Variants in FAT3 observed in about 807,000 individuals in gnomAD.
FAT3 encodes protocadherin Fat 3.
FAT3 carries 95 observed loss-of-function variants against 310.2 expected under a neutral mutation model. The ratio of observed to expected loss-of-function variants is 0.31; its 90% CI spans 0.26 to 0.36. The LOEUF is 0.36. Among genes scored for constraint, FAT3 ranks in the 10% least tolerant of loss-of-function variants. FAT3 has a pLI of 1.00. For synonymous variants in FAT3, 2,314 were observed against 2,192.9 expected (o/e 1.06, Z -1.54); for missense variants, 5,408 against 5,715.6 (o/e 0.95, Z 1.74).
At chr11:92,581,594 C>T (rs1938803363) in intron 3 of FAT3, among the ~76,000 whole-genome samples, 1 of 151,976 alleles carries the variant, frequency 6.6e-6, no homozygotes. Flanking sequence ...TCATTGTTAT[C>T]CTCTGATTGT....
At chr11:92,775,080 G>T (rs1173602188) in intron 7 of FAT3, among the ~76,000 whole-genome samples, 2 of 152,010 alleles carry the variant, frequency 1.3e-5, no homozygotes, top group African/African-American at 2.4e-5. Flanking sequence ...TCCCTACTGC[G>T]CTCTGAGATT....
chr11:92,390,576 C>G (rs905744370), intron 2 of FAT3, among the ~76,000 whole-genome samples: 1 of 152,134 alleles, frequency 6.6e-6, no homozygotes, highest in Non-Finnish European at 1.5e-5. Context: ...CCCAGTGCCC[C>G]AAGATTGTGC....
Position 92,710,310 on chromosome 11 carries a change from A to G in FAT3, c.3669+12865A>G, listed in dbSNP as rs138346577. On this transcript the variant is annotated intron_variant, in intron 4 of 27. Transcript: ENST00000525166. ...TTGAAGGCTATGAAAGCAAATTTTGATCCCATAGGATACCAAATGACTGAG... is the reference window on the plus strand; with the variant it reads ...TTGAAGGCTATGAAAGCAAATTTTGGTCCCATAGGATACCAAATGACTGAG... Among the ~76,000 whole-genome samples the G allele has an allele frequency of 3.9e-5, 6 of 152,272 alleles. No homozygotes were observed. In the East Asian group the frequency reaches 1.2e-3, roughly 29 times the overall value.
intron 2 of FAT3, among the ~76,000 whole-genome samples, chr11:92,431,448 C>G (rs895477713): frequency 6.6e-5 from 10 of 152,150 alleles, no homozygotes; most frequent in Non-Finnish European, 1.3e-4. Flanking sequence ...AAATTTTCTC[C>G]TATTCTGTAG....
At position 92,316,908 on chromosome 11, in the gene FAT3, C is replaced by T. The variant is rs528394478; in HGVS notation, c.-17-35188C>T. On this transcript the variant is annotated intron_variant, in intron 1 of 27. Coordinates refer to ENST00000525166, the MANE Select transcript of FAT3 (RefSeq NM_001367949.2). ...GCCAGCCTTTTTGGGAAAACGGAGACCCATGGTTTCATTTCAACAAAGAAG... is the reference window on the plus strand; with the variant it reads ...GCCAGCCTTTTTGGGAAAACGGAGATCCATGGTTTCATTTCAACAAAGAAG... Among the ~76,000 whole-genome samples, 3 of 152,192 alleles carry T rather than the reference C, an allele frequency of 2.0e-5. No individual in the cohort carries two copies. The South Asian group carries it at 6.2e-4, about 32-fold the overall frequency.
intron 4 of FAT3, among the ~76,000 whole-genome samples, chr11:92,757,867 A>G (rs1203643819): frequency 6.6e-6 from 1 of 152,192 alleles, no homozygotes; most frequent in African/African-American, 2.4e-5. Context: ...GAATGTCCAC[A>G]AAAGTGAGCA....
At chr11:92,230,670 C>G (rs1590978527) in intron 1 of FAT3, among the ~76,000 whole-genome samples, 1 of 152,278 alleles carries the variant, frequency 6.6e-6, no homozygotes, top group Middle Eastern at 3.4e-3. Flanking sequence ...TTTCACAAGA[C>G]AGTGGGCAAG....
chr11:92,689,805 A>G (rs1400462852), intron 3 of FAT3, among the ~76,000 whole-genome samples: 2 of 152,194 alleles, frequency 1.3e-5, no homozygotes, highest in East Asian at 3.9e-4. Context: ...AGGATTATAC[A>G]GAGGAGGAGG....
intron 2 of FAT3, among the ~76,000 whole-genome samples, chr11:92,425,951 A>G (rs1026320853): frequency 6.6e-6 from 1 of 152,166 alleles, no homozygotes; most frequent in African/African-American, 2.4e-5. Flanking sequence ...TCCTTGAGGA[A>G]TCACCACACT....
rs1410018470 is a variant in FAT3 at position 92,834,602 on chromosome 11, T to C, written c.9872-268T>C. Among the ~76,000 whole-genome samples the C allele has an allele frequency of 2.3e-4, 35 of 152,224 alleles. 1 individual carries two copies. Among genetic ancestry groups the C allele is most frequent in the Admixed American group, 2.3e-3 (35 of 15,276 alleles). ...GTGAGAGTGAAGATGCCAGAGATTT[T>C]CAAGCTGCCTGAGAGATGTTCATAA... On this transcript the variant is annotated intron_variant, in intron 14 of 27. Coordinates refer to ENST00000525166, the MANE Select transcript of FAT3 (RefSeq NM_001367949.2).
intron 3 of FAT3, among the ~76,000 whole-genome samples, chr11:92,666,896 T>C (rs984041457): frequency 6.6e-6 from 1 of 152,126 alleles, no homozygotes; most frequent in African/African-American, 2.4e-5. Context: ...TCACACTCCA[T>C]TGGTTGGAGT....
At chr11:92,586,123 G>A (rs1034868400) in intron 3 of FAT3, among the ~76,000 whole-genome samples, 1 of 152,022 alleles carries the variant, frequency 6.6e-6, no homozygotes, top group African/African-American at 2.4e-5. Flanking sequence ...GTAAAGGCTT[G>A]ATTGACTCTT....
intron 5 of FAT3, among the ~76,000 whole-genome samples, chr11:92,762,773 G>T (rs897016931): frequency 6.6e-6 from 1 of 152,154 alleles, no homozygotes; most frequent in Non-Finnish European, 1.5e-5. Context: ...TGTATCTACA[G>T]TGCCAGTGTG....
At chr11:92,245,066 A>G (rs1209327624) in intron 1 of FAT3, among the ~76,000 whole-genome samples, 4 of 152,300 alleles carry the variant, frequency 2.6e-5, no homozygotes, top group South Asian at 4.1e-4. Flanking sequence ...CACTGTTCAC[A>G]ATAGCAAAGA....
At chr11:92,236,823 G>T (rs1565171133) in intron 1 of FAT3, among the ~76,000 whole-genome samples, 2 of 152,206 alleles carry the variant, frequency 1.3e-5, no homozygotes, top group Non-Finnish European at 1.5e-5. Context: ...GAAATGGGAA[G>T]ATGACGAGTT....
chr11:92,694,485 G>A (rs562574781), intron 3 of FAT3, among the ~76,000 whole-genome samples: 2 of 152,290 alleles, frequency 1.3e-5, no homozygotes, highest in Admixed American at 1.3e-4. Flanking sequence ...AACACATCCA[G>A]GTGAAGGTAT....
In FAT3 at chr11:92,691,100, G is replaced by C. The variant is rs140504786; in HGVS notation, c.3608-6284G>C. Among the ~76,000 whole-genome samples, 49 of 152,302 alleles carry C rather than the reference G, an allele frequency of 3.2e-4. No homozygotes were observed. In the East Asian group the frequency reaches 8.9e-3, roughly 28 times the overall value. The stretch of plus-strand genomic sequence containing the variant: ...AACCATTGAGAAGAAAGTGTGCTCA[G>C]GGAATAAAGCAGGGAAGGAAGAAGA... On this transcript the variant is annotated intron_variant, in intron 3 of 27. Transcript: ENST00000525166.
At chr11:92,791,103 A>T (rs1947029447) in intron 8 of FAT3, among the ~76,000 whole-genome samples, 1 of 152,176 alleles carries the variant, frequency 6.6e-6, no homozygotes, top group Non-Finnish European at 1.5e-5. Flanking sequence ...CAACAAGAGG[A>T]AGCTTGAGTG....
chr11:92,546,484 G>A (rs555086112), intron 3 of FAT3, among the ~76,000 whole-genome samples: 1 of 152,210 alleles, frequency 6.6e-6, no homozygotes, highest in East Asian at 1.9e-4. Flanking sequence ...TACATGATGA[G>A]GAGAAAGAAG....
Sources: gnomAD v4.1 joint callset for allele counts (sites outside exome capture counted in the v4.1 genomes callset) on GRCh38, gnomAD v4.1.1 for gene constraint, MANE v1.5 for transcripts, NCBI Gene and HGNC (gene_info 2026-07-23, HGNC 2026-07-21) for gene names.